Variants in DPYD observed in about 807,000 individuals in gnomAD.
The protein encoded by DPYD is dihydropyrimidine dehydrogenase [NADP(+)].
DPYD carries 109 observed loss-of-function variants against 116.2 expected under a neutral mutation model. The ratio of observed to expected loss-of-function variants is 0.94; its 90% CI spans 0.80 to 1.10. The LOEUF (loss-of-function observed/expected upper bound fraction) is 1.10, where lower values mean the gene tolerates loss of function less well. Among genes scored for constraint, DPYD ranks in the 50% least tolerant of loss-of-function variants. DPYD has a pLI of 0.00. For missense variants in DPYD, 1,302 were observed against 1,254.5 expected (o/e 1.04, Z -0.57); for synonymous variants, 440 against 432.0 (o/e 1.02, Z -0.23).
intron 12 of DPYD, among the ~76,000 whole-genome samples, chr1:97,526,891 A>G (rs1186038967): frequency 1.3e-5 from 2 of 152,206 alleles, no homozygotes; most frequent in South Asian, 2.1e-4. Flanking sequence ...AGTAATATTT[A>G]TACCAGATCC....
intron 14 of DPYD, among the ~76,000 whole-genome samples, chr1:97,426,707 A>G (rs937121820): frequency 6.6e-6 from 1 of 152,040 alleles, no homozygotes; most frequent in Non-Finnish European, 1.5e-5. Flanking sequence ...CCTCTTTTTC[A>G]GGGTTAATAG....
chr1:97,637,561 A>T (rs1259972501), intron 8 of DPYD, among the ~76,000 whole-genome samples: 2 of 152,082 alleles, frequency 1.3e-5, no homozygotes, highest in South Asian at 4.2e-4. Flanking sequence ...CAGGCAAAGG[A>T]CTAAAGAGCT....
intron 2 of DPYD, among the ~76,000 whole-genome samples, chr1:97,851,734 T>C (rs1364411947): frequency 6.6e-6 from 1 of 151,032 alleles, no homozygotes; most frequent in Non-Finnish European, 1.5e-5. Context: ...GAAACTGGGC[T>C]CTAGGCTCTA....
chr1:97,462,431 G>C (rs533741970), intron 13 of DPYD, among the ~76,000 whole-genome samples: 46 of 152,104 alleles, frequency 3.0e-4, no homozygotes, highest in African/African-American at 9.9e-4. Context: ...AAAATTCTAA[G>C]CCCCCCAATC....
chr1:97,357,335 A>G (rs1335927081), intron 16 of DPYD, among the ~76,000 whole-genome samples: 3 of 148,844 alleles, frequency 2.0e-5, no homozygotes, highest in Admixed American at 6.7e-5. Context: ...GTATGCTGCA[A>G]CTGTGCTGTG....
intron 14 of DPYD, among the ~76,000 whole-genome samples, chr1:97,439,653 G>A (rs998648615): frequency 2.0e-5 from 3 of 151,578 alleles, no homozygotes; most frequent in Admixed American, 6.6e-5. Context: ...TTTCGTCTCC[G>A]CAAGGAACCA....
At chr1:97,336,297 G>T (rs1188903113) in intron 16 of DPYD, among the ~76,000 whole-genome samples, 3 of 152,126 alleles carry the variant, frequency 2.0e-5, no homozygotes, top group Admixed American at 2.0e-4. Context: ...AATCAATTTT[G>T]AAAGTTTTAC....
intron 3 of DPYD, among the ~76,000 whole-genome samples, chr1:97,781,914 G>C (rs145576988): frequency 9.3e-4 from 142 of 152,266 alleles, no homozygotes; most frequent in Middle Eastern, 3.4e-3. Context: ...AGAAGACTGA[G>C]TCTTAGCAAA....
chr1:97,292,837 G>C (rs1040911764), intron 18 of DPYD, among the ~76,000 whole-genome samples: 1 of 151,682 alleles, frequency 6.6e-6, no homozygotes, highest in African/African-American at 2.4e-5. Context: ...AGGGTAAAAA[G>C]ATATTTCAAC....
At chr1:97,175,566 A>T (rs1231803791) in intron 20 of DPYD, among the ~76,000 whole-genome samples, 1 of 152,210 alleles carries the variant, frequency 6.6e-6, no homozygotes, top group African/African-American at 2.4e-5. Context: ...ATCTTGGTGA[A>T]TTCATTCAAC....
intron 16 of DPYD, among the ~76,000 whole-genome samples, chr1:97,338,629 T>C (rs1558040334): frequency 6.6e-6 from 1 of 152,126 alleles, no homozygotes; most frequent in Non-Finnish European, 1.5e-5. Context: ...TACAAGTTTT[T>C]ATATTTTAGA....
intron 20 of DPYD, among the ~76,000 whole-genome samples, chr1:97,182,089 GT>G (rs1184993044): frequency 6.6e-6 from 1 of 152,102 alleles, no homozygotes; most frequent in African/African-American, 2.4e-5. Flanking sequence ...TCTCTCTTCT[GT>G]GGTAAGCTTT....
chr1:97,844,666 T>C (rs1670203210), intron 2 of DPYD, among the ~76,000 whole-genome samples: 1 of 152,082 alleles, frequency 6.6e-6, no homozygotes, highest in Non-Finnish European at 1.5e-5. Context: ...ACACCCTCCA[T>C]AGGGCCAGCA....
chr1:97,237,296 T>C (rs533781649), intron 18 of DPYD, among the ~76,000 whole-genome samples: 14 of 151,074 alleles, frequency 9.3e-5, no homozygotes, highest in African/African-American at 3.2e-4. Flanking sequence ...TTTTATCCTG[T>C]TCATATCTGT....
chr1:97,354,052 TAA>T (rs1305596791), intron 16 of DPYD, among the ~76,000 whole-genome samples: 7 of 152,158 alleles, frequency 4.6e-5, no homozygotes, highest in Non-Finnish European at 8.8e-5. Flanking sequence ...ACAATAATAG[TAA>T]ATATATCATA....
At chr1:97,455,221 G>T (rs1457239401) in intron 13 of DPYD, among the ~76,000 whole-genome samples, 3 of 151,860 alleles carry the variant, frequency 2.0e-5, no homozygotes, top group Admixed American at 6.6e-5. Flanking sequence ...CTCTTGAACT[G>T]CAGAAATGTG....
In DPYD at chr1:97,682,954, A is replaced by G. The variant is rs1411155074; in HGVS notation, c.763-3772T>C. 2.0e-5 allele frequency among the ~76,000 whole-genome samples: 3 copies of G among 152,064 alleles called. No individual in the cohort carries two copies. The East Asian group carries it at 5.8e-4, about 29-fold the overall frequency. On this transcript the variant is annotated intron_variant, in intron 7 of 22. Transcript: ENST00000370192. ...ACCCTGAGCCAAAGTTCCATCTAATAGTCTCTTAGGGATTTGATGAAAACT... is the reference window on the plus strand; with the variant it reads ...ACCCTGAGCCAAAGTTCCATCTAATGGTCTCTTAGGGATTTGATGAAAACT...
At chr1:97,817,722 G>C (rs1668703049) in intron 3 of DPYD, among the ~76,000 whole-genome samples, 1 of 151,928 alleles carries the variant, frequency 6.6e-6, no homozygotes, top group South Asian at 2.1e-4. Context: ...GTAAAAGCCT[G>C]ATTCAAAAAG....
chr1:97,403,760 G>T (rs938688345), intron 14 of DPYD, among the ~76,000 whole-genome samples: 6 of 151,714 alleles, frequency 4.0e-5, no homozygotes, highest in Non-Finnish European at 7.4e-5. Flanking sequence ...ATCAGATTTT[G>T]TTGATTTTCT....
Sources: allele counts gnomAD v4.1 joint callset (sites outside exome capture counted in the v4.1 genomes callset), GRCh38; gene constraint gnomAD v4.1.1; transcripts MANE v1.5; gene names NCBI Gene and HGNC (gene_info 2026-07-23, HGNC 2026-07-21).